CDH11: variants seen among roughly 807,000 people sequenced by gnomAD.
The protein encoded by CDH11 is cadherin 11.
CDH11 carries 11 observed loss-of-function variants against 67.8 expected under a neutral mutation model. The observed-to-expected ratio is 0.16, with a 90% confidence interval of 0.10 to 0.27. The LOEUF is 0.27. Ranked by LOEUF, CDH11 falls within the 10% of genes least tolerant of loss-of-function variation. The probability of loss-of-function intolerance (pLI) is 1.00; values close to 1 mark genes in which losing one functional copy is unlikely to be tolerated. For missense variants in CDH11, 847 were observed against 1,031.2 expected, an observed-to-expected ratio of 0.82 and a Z score of 2.45; for synonymous variants, 419 against 400.0, an observed-to-expected ratio of 1.05 and a Z score of -0.57.
chr16:64,948,101 T>A lies in CDH11; in HGVS notation c.1895-2A>T. The A allele has an allele frequency of 6.2e-7, 1 of 1,607,502 alleles. No homozygotes were observed. The highest frequency in any genetic ancestry group is 8.5e-7 in the Non-Finnish European group (1 of 1,176,126). The stretch of plus-strand genomic sequence containing the variant: ...GGGTCACAAACAATACTACAATGAC[T>A]GGAGGGAAAGAAAAAGAAGGTAAGC... On this transcript the variant is annotated splice_acceptor_variant, in intron 12 of 12. Transcript: ENST00000268603. LOFTEE classifies it high-confidence loss of function.
intron 2 of CDH11, among the ~76,000 whole-genome samples, chr16:65,048,978 C>T (rs1428021675): frequency 2.0e-5 from 3 of 152,062 alleles, no homozygotes; most frequent in Non-Finnish European, 2.9e-5. Flanking sequence ...TGCATATCCT[C>T]AGTTATGAGT....
chr16:64,998,559 C>T lies in CDH11; in HGVS notation c.523+3G>A, dbSNP rs767312831. On this transcript the variant is annotated splice_donor_region_variant and intron_variant, in intron 4 of 12. Transcript: ENST00000268603. Reference sequence around the variant, plus strand: ...CAGAGCAGGCCTCCCACACCGTACGCACCCACATTGGACCTCTCAGGCACG... The same window carrying T: ...CAGAGCAGGCCTCCCACACCGTACGTACCCACATTGGACCTCTCAGGCACG... 1.9e-6 allele frequency: 3 copies of T among 1,613,926 alleles called. No individual in the cohort carries two copies. Among genetic ancestry groups the T allele is most frequent in the Non-Finnish European group, 2.5e-6 (3 of 1,179,872 alleles).
At chr16:65,010,979 A>C (rs1273905267) in intron 2 of CDH11, among the ~76,000 whole-genome samples, 2 of 148,226 alleles carry the variant, frequency 1.3e-5, no homozygotes, top group Non-Finnish European at 3.0e-5. Context: ...GTTTATATAT[A>C]TATATATACA....
intron 1 of CDH11, among the ~76,000 whole-genome samples, chr16:65,071,373 T>C (rs945372208): frequency 2.6e-5 from 4 of 151,214 alleles, no homozygotes; most frequent in Admixed American, 6.6e-5. Context: ...TATAAATATA[T>C]GCACATACAC....
At chr16:64,957,018 G>T (rs2071532568) in intron 11 of CDH11, among the ~76,000 whole-genome samples, 1 of 152,066 alleles carries the variant, frequency 6.6e-6, no homozygotes, top group African/African-American at 2.4e-5. Flanking sequence ...GATCAAAGTG[G>T]GCAATATATG....
chr16:64,962,899 C>A (rs1451002598), intron 11 of CDH11, among the ~76,000 whole-genome samples: 1 of 152,190 alleles, frequency 6.6e-6, no homozygotes, highest in Non-Finnish European at 1.5e-5. Flanking sequence ...GTGAAGTTTA[C>A]AGTTCAGAGG....
intron 4 of CDH11, among the ~76,000 whole-genome samples, chr16:64,996,991 A>G (rs1347611312): frequency 6.6e-6 from 1 of 151,956 alleles, no homozygotes; most frequent in Non-Finnish European, 1.5e-5. Context: ...ATATTCATGT[A>G]TATTCACTCA....
intron 11 of CDH11, among the ~76,000 whole-genome samples, chr16:64,970,696 G>A (rs1017510879): frequency 6.6e-6 from 1 of 152,184 alleles, no homozygotes; most frequent in African/African-American, 2.4e-5. Flanking sequence ...CGCAGGGAAA[G>A]CAATCAACCT....
intron 1 of CDH11, among the ~76,000 whole-genome samples, chr16:65,120,396 G>A (rs143334274): frequency 3.0e-4 from 46 of 152,278 alleles, no homozygotes; most frequent in African/African-American, 8.9e-4. Flanking sequence ...CCGTCCTCTA[G>A]CCAGATTAAT....
At chr16:65,049,000 A>T (rs958473714) in intron 2 of CDH11, among the ~76,000 whole-genome samples, 2 of 152,116 alleles carry the variant, frequency 1.3e-5, no homozygotes, top group Non-Finnish European at 2.9e-5. Flanking sequence ...GGAACTAAAC[A>T]ATGGGTACAC....
chr16:64,993,714 A>T (rs911991225), intron 4 of CDH11, among the ~76,000 whole-genome samples: 4 of 152,174 alleles, frequency 2.6e-5, no homozygotes, highest in Non-Finnish European at 5.9e-5. Flanking sequence ...AGGAAATTGA[A>T]GAAAGATGGG....
chr16:65,059,905 T>A (rs1183962228), intron 1 of CDH11, among the ~76,000 whole-genome samples: 1 of 152,250 alleles, frequency 6.6e-6, no homozygotes, highest in Non-Finnish European at 1.5e-5. Context: ...TCATCTAGCA[T>A]ATGAGCAAAC....
chr16:65,084,094 C>T (rs555368156), intron 1 of CDH11, among the ~76,000 whole-genome samples: 1 of 152,158 alleles, frequency 6.6e-6, no homozygotes, highest in South Asian at 2.1e-4. Flanking sequence ...GTTCAAAATG[C>T]CAATAAGTGC....
chr16:65,052,097 A>G (rs921377998), intron 2 of CDH11, among the ~76,000 whole-genome samples: 3 of 152,190 alleles, frequency 2.0e-5, no homozygotes, highest in Non-Finnish European at 4.4e-5. Flanking sequence ...TGCTGTTATT[A>G]TGACTTTTCT....
At chr16:65,074,757 AAAAG>A (rs747384621) in intron 1 of CDH11, among the ~76,000 whole-genome samples, 118 of 152,338 alleles carry the variant, frequency 7.7e-4, no homozygotes, top group Non-Finnish European at 1.5e-3. Flanking sequence ...AACTGAAAGA[AAAAG>A]AAAGAGTTTG....
rs57695452 is a variant in CDH11, at chr16:65,045,329, GTATATATATATATATA to G, written c.-173+8459_-173+8474del. Reference sequence around the variant, plus strand: ...TTTTAAAAATTTGTTTCCCTCAAAAGTATATATATATATATATATATATATATATATATATATATAT... The same window carrying G: ...TTTTAAAAATTTGTTTCCCTCAAAAGTATATATATATATATATATATATAT... On this transcript the variant is annotated intron_variant, in intron 2 of 12. Coordinates refer to ENST00000268603, the MANE Select transcript of CDH11 (RefSeq NM_001797.4). 3.7e-3 allele frequency among the ~76,000 whole-genome samples: 235 copies of G among 63,280 alleles called. 3 individuals are homozygous for G. The highest frequency in any genetic ancestry group is 0.02 in the Middle Eastern group (2 of 100). The allele number at this position is 63,280 out of a possible 152,430, so 41.5% of individuals were successfully genotyped here. A position where few individuals can be genotyped will look rare whatever the true frequency, so the allele number is the denominator to read the frequency against.
intron 1 of CDH11, among the ~76,000 whole-genome samples, chr16:65,077,711 G>A (rs773277669): frequency 3.3e-4 from 50 of 152,116 alleles, no homozygotes; most frequent in African/African-American, 1.1e-3. Context: ...TAAATATTAC[G>A]TCATTACGCA....
intron 1 of CDH11, among the ~76,000 whole-genome samples, chr16:65,078,267 G>C (rs2074550008): frequency 6.6e-6 from 1 of 152,172 alleles, no homozygotes; most frequent in African/African-American, 2.4e-5. Flanking sequence ...CTATTTCCAT[G>C]TGTAGAAAAA....
intron 11 of CDH11, among the ~76,000 whole-genome samples, chr16:64,953,523 G>A (rs1384987937): frequency 1.3e-5 from 2 of 151,592 alleles, no homozygotes; most frequent in East Asian, 1.9e-4. Flanking sequence ...TATCACTGGG[G>A]AAAATTATAA....
Sources: gnomAD v4.1 joint callset for allele counts (sites outside exome capture counted in the v4.1 genomes callset) on GRCh38, gnomAD v4.1.1 for gene constraint, MANE v1.5 for transcripts, NCBI Gene and HGNC (gene_info 2026-07-23, HGNC 2026-07-21) for gene names.